Variants in RGPD1 observed in about 807,000 individuals in gnomAD.
RGPD1 encodes RANBP2 like and GRIP domain containing 1, also known as RANBP2-like and GRIP domain-containing protein 1.
Under a neutral mutation model 40.6 loss-of-function variants are expected in RGPD1, and 7 were observed. The ratio of observed to expected loss-of-function variants is 0.17; its 90% CI spans 0.10 to 0.32. The LOEUF (loss-of-function observed/expected upper bound fraction) is 0.32, where lower values mean the gene tolerates loss of function less well. Among genes scored for constraint, RGPD1 ranks in the 10% least tolerant of loss-of-function variants. The pLI, the probability that RGPD1 is intolerant of heterozygous loss-of-function variation, is 1.00. For synonymous variants in RGPD1, 24 were observed against 167.0 expected, an observed-to-expected ratio of 0.14 and a Z score of 6.60; for missense variants, 50 against 472.5, an observed-to-expected ratio of 0.11 and a Z score of 8.29.
At chr2:86,943,375 A>T (rs1383079997) in intron 1 of RGPD1, among the ~76,000 whole-genome samples, 1 of 147,432 alleles carries the variant, frequency 6.8e-6, no homozygotes, top group African/African-American at 2.5e-5. Flanking sequence ...TACAATTTTT[A>T]ACCTTTTCCA....
chr2:86,915,435 G>A (rs1375894578), intron 1 of RGPD1, among the ~76,000 whole-genome samples: 5 of 135,482 alleles, frequency 3.7e-5, no homozygotes, highest in African/African-American at 1.1e-4. Flanking sequence ...ACAAGGCCAG[G>A]TACCTAGAAG....
intron 8 of RGPD1, among the ~76,000 whole-genome samples, chr2:86,971,123 CT>C (rs1681197123): frequency 3.3e-5 from 1 of 30,674 alleles, no homozygotes; most frequent in Admixed American, 2.5e-4. Context: ...CAAGCTCCGC[CT>C]CCCGGGTTCA....
intron 1 of RGPD1, among the ~76,000 whole-genome samples, chr2:86,944,073 A>G (rs1251097575): frequency 1.3e-5 from 2 of 152,130 alleles, no homozygotes; most frequent in Non-Finnish European, 2.9e-5. Context: ...TAATAGTAGC[A>G]TAATTGTGTC....
intron 1 of RGPD1, among the ~76,000 whole-genome samples, chr2:86,925,477 A>T (rs1267500165): frequency 4.0e-5 from 6 of 151,830 alleles, no homozygotes; most frequent in African/African-American, 1.5e-4. Flanking sequence ...CATGTTGGAC[A>T]GGCTGGTCTT....
chr2:86,931,696 CAAAT>C (rs201380855), intron 1 of RGPD1, among the ~76,000 whole-genome samples: 1,576 of 151,512 alleles, frequency 0.01, 14 homozygotes, highest in East Asian at 0.04. Flanking sequence ...TCTTGAATGG[CAAAT>C]AAATAAATAA....
chr2:86,939,341 G>A (rs895626317), upstream of RGPD1, among the ~76,000 whole-genome samples: 3 of 148,386 alleles, frequency 2.0e-5, 1 homozygote, highest in Admixed American at 6.7e-5. Context: ...CACTTTGGGA[G>A]GCTGAGGAAG....
At chr2:86,932,070 A>G (rs1443131004) in intron 1 of RGPD1, among the ~76,000 whole-genome samples, 2 of 145,230 alleles carry the variant, frequency 1.4e-5, no homozygotes, top group African/African-American at 5.0e-5. Context: ...TTGGAAGGGC[A>G]AATAACTTGT....
chr2:86,941,568 T>C (rs1207062164), upstream of RGPD1, among the ~76,000 whole-genome samples: 2 of 151,104 alleles, frequency 1.3e-5, no homozygotes, highest in Non-Finnish European at 2.9e-5. Flanking sequence ...ATATACACAG[T>C]TGACCCTTGA....
At chr2:86,939,371 G>T (rs1162333295), upstream of RGPD1, among the ~76,000 whole-genome samples, 3 of 149,512 alleles carry the variant, frequency 2.0e-5, no homozygotes, top group Non-Finnish European at 4.5e-5. Context: ...TGGAGGCCAG[G>T]AGTTCAAGAC....
upstream of RGPD1, among the ~76,000 whole-genome samples, chr2:86,942,033 A>G (rs564623959): frequency 1.8e-4 from 28 of 151,694 alleles, no homozygotes; most frequent in East Asian, 4.7e-3. Flanking sequence ...CTCAGAGCAC[A>G]GGGTGCTGCC....
chr2:86,944,027 A>C lies in RGPD1; in HGVS notation c.72+1719A>C, dbSNP rs183171204. On this transcript the variant is annotated intron_variant, in intron 1 of 22. Transcript: ENST00000641458. Reference sequence around the variant, plus strand: ...AGACTCCAAAAAAAAACAAAAAAAAACCAAAAAACGGAAACTCAACGGATG... The same window carrying C: ...AGACTCCAAAAAAAAACAAAAAAAACCCAAAAAACGGAAACTCAACGGATG... Among the ~76,000 whole-genome samples, 534 of 152,120 alleles carry C rather than the reference A, an allele frequency of 3.5e-3. 5 individuals are homozygous for C. The highest frequency in any genetic ancestry group is 0.015 in the East Asian group (75 of 5,172).
intron 1 of RGPD1, among the ~76,000 whole-genome samples, chr2:86,944,514 C>T (rs1201363351): frequency 1.3e-5 from 2 of 151,978 alleles, no homozygotes; most frequent in African/African-American, 4.8e-5. Flanking sequence ...GCGATCCTCC[C>T]ACCTCAGTCT....
intron 1 of RGPD1, among the ~76,000 whole-genome samples, chr2:86,948,897 CCTT>C: frequency 3.8e-5 from 1 of 26,204 alleles, no homozygotes; most frequent in African/African-American, 1.6e-4. Context: ...TCTCTCACCT[CCTT>C]GTTTACATTT....
chr2:86,962,252 TC>T (rs1364440210), intron 6 of RGPD1, among the ~76,000 whole-genome samples: 1 of 71,332 alleles, frequency 1.4e-5, no homozygotes, highest in East Asian at 2.8e-4. Context: ...ATGCCTGTAA[TC>T]CCAGCACATT....
upstream of RGPD1, among the ~76,000 whole-genome samples, chr2:86,938,383 A>G (rs947181078): frequency 1.7e-5 from 2 of 117,040 alleles, no homozygotes; most frequent in Non-Finnish European, 3.3e-5. Context: ...TGGTTCTTCC[A>G]TGGCCCCAGT....
intron 1 of RGPD1, chr2:86,934,405 T>C (rs1254970133): frequency 7.8e-6 from 1 of 128,706 alleles, no homozygotes; most frequent in African/African-American, 2.9e-5. Flanking sequence ...GTTTGTTTAA[T>C]GATTAATAGA....
At chr2:86,942,418 G>T in intron 1 of RGPD1, 110 bp downstream of exon 1, 11 of 1,199,358 alleles carry the variant, frequency 9.2e-6, no homozygotes, top group Non-Finnish European at 1.1e-5. Flanking sequence ...TGGCTCAGGC[G>T]TCATGGCTCC....
At chr2:86,929,645 A>AAGTC (rs1231650494) in intron 1 of RGPD1, among the ~76,000 whole-genome samples, 1 of 124,496 alleles carries the variant, frequency 8.0e-6, no homozygotes, top group East Asian at 2.7e-4. Context: ...ATCACAAAGT[A>AAGTC]AGTCAGTAGG....
upstream of RGPD1, among the ~76,000 whole-genome samples, chr2:86,938,505 G>A (rs2104741940): frequency 6.8e-6 from 1 of 145,992 alleles, no homozygotes; most frequent in Middle Eastern, 3.5e-3. Context: ...TTTAGGTTGA[G>A]GGTAAAGATC....
Sources: gnomAD v4.1 joint callset for allele counts (sites outside exome capture counted in the v4.1 genomes callset) on GRCh38, gnomAD v4.1.1 for gene constraint, MANE v1.5 for transcripts, NCBI Gene and HGNC (gene_info 2026-07-23, HGNC 2026-07-21) for gene names.